Variants in SOX5 observed in about 807,000 individuals in gnomAD.
The protein encoded by SOX5 is transcription factor SOX-5.
In SOX5, 9 loss-of-function variants were observed where a neutral mutation model predicts 92.0. The ratio of observed to expected loss-of-function variants is 0.10; its 90% CI spans 0.06 to 0.17. The LOEUF is 0.17. SOX5 is among the 10% of genes least tolerant of loss of function. The probability of loss-of-function intolerance (pLI) is 1.00; values close to 1 mark genes in which losing one functional copy is unlikely to be tolerated. For missense variants in SOX5, 642 were observed against 944.5 expected, an observed-to-expected ratio of 0.68 and a Z score of 4.20; for synonymous variants, 344 against 336.3, an observed-to-expected ratio of 1.02 and a Z score of -0.25.
chr12:24,329,835 C>T (rs962310826), intron 2 of SOX5, among the ~76,000 whole-genome samples: 1 of 152,062 alleles, frequency 6.6e-6, no homozygotes, highest in Non-Finnish European at 1.5e-5. Flanking sequence ...CCAGCCTGGC[C>T]AACATGGTGA....
intron 4 of SOX5, among the ~76,000 whole-genome samples, chr12:24,176,026 T>C (rs1282089592): frequency 6.6e-6 from 1 of 151,958 alleles, no homozygotes; most frequent in Admixed American, 6.6e-5. Flanking sequence ...CAGCAAAAAT[T>C]GAGATTAAAA....
intron 4 of SOX5, among the ~76,000 whole-genome samples, chr12:24,073,990 C>T (rs940735557): frequency 6.6e-6 from 1 of 151,830 alleles, no homozygotes; most frequent in Non-Finnish European, 1.5e-5. Context: ...GATAGATTCT[C>T]AATAAAATCT....
intron 1 of SOX5, among the ~76,000 whole-genome samples, chr12:24,376,689 CCTT>C (rs1957298202): frequency 1.1e-5 from 1 of 93,084 alleles, no homozygotes; most frequent in Non-Finnish European, 2.1e-5. Flanking sequence ...GGGAGAGATA[CCTT>C]TTTTTTTTTT....
chr12:24,503,623 C>T (rs895442386), intron 1 of SOX5, among the ~76,000 whole-genome samples: 1 of 152,170 alleles, frequency 6.6e-6, no homozygotes, highest in African/African-American at 2.4e-5. Context: ...GGCACATATA[C>T]ACCAGGGAAT....
chr12:23,870,718 C>A (rs569381767), intron 2 of SOX5, among the ~76,000 whole-genome samples: 1 of 152,086 alleles, frequency 6.6e-6, no homozygotes, highest in Non-Finnish European at 1.5e-5. Context: ...AAAAACAAAT[C>A]TTGGTGCTAA....
intron 1 of SOX5, among the ~76,000 whole-genome samples, chr12:24,409,112 T>C (rs1349630221): frequency 1.3e-5 from 2 of 152,188 alleles, no homozygotes; most frequent in Non-Finnish European, 2.9e-5. Flanking sequence ...AAAGAAAATA[T>C]GGTACATATA....
chr12:23,876,762 A>G (rs543742339), intron 2 of SOX5, among the ~76,000 whole-genome samples: 1 of 152,388 alleles, frequency 6.6e-6, no homozygotes, highest in South Asian at 2.1e-4. Context: ...CATCAGTGAT[A>G]GACTGGATAA....
chr12:23,785,715 T>C (rs1459365327), intron 3 of SOX5, among the ~76,000 whole-genome samples: 1 of 152,164 alleles, frequency 6.6e-6, no homozygotes, highest in East Asian at 1.9e-4. Flanking sequence ...AAGGGACTTA[T>C]AGTTGGAATA....
At chr12:23,910,357 A>G (rs1225235643) in intron 1 of SOX5, among the ~76,000 whole-genome samples, 3 of 152,198 alleles carry the variant, frequency 2.0e-5, no homozygotes, top group African/African-American at 7.2e-5. Flanking sequence ...AAGGAAAGTT[A>G]GGCTAAGCTA....
intron 6 of SOX5, among the ~76,000 whole-genome samples, chr12:23,678,476 T>C (rs1304990064): frequency 6.6e-6 from 1 of 152,130 alleles, no homozygotes; most frequent in African/African-American, 2.4e-5. Flanking sequence ...GTCATCAAAA[T>C]TGTGGCAATT....
chr12:24,396,378 A>G (rs1959964392), intron 1 of SOX5, among the ~76,000 whole-genome samples: 1 of 152,246 alleles, frequency 6.6e-6, no homozygotes, highest in Non-Finnish European at 1.5e-5. Flanking sequence ...TGGAGCACAC[A>G]GAAACTGATG....
At chr12:24,062,608 G>C (rs746487619) in intron 4 of SOX5, among the ~76,000 whole-genome samples, 8 of 152,202 alleles carry the variant, frequency 5.3e-5, no homozygotes, top group Non-Finnish European at 1.2e-4. Context: ...GGGGCCTCCT[G>C]ACAGCTTTGT....
At chr12:24,155,920 C>T (rs529068581) in intron 4 of SOX5, among the ~76,000 whole-genome samples, 16 of 152,058 alleles carry the variant, frequency 1.1e-4, no homozygotes, top group Admixed American at 6.6e-4. Context: ...ATAGAAAGAG[C>T]GGTAACAATG....
chr12:24,366,881 T>C (rs756364585), intron 2 of SOX5, among the ~76,000 whole-genome samples: 9 of 151,982 alleles, frequency 5.9e-5, no homozygotes, highest in Non-Finnish European at 8.8e-5. Flanking sequence ...CAATGCAGGA[T>C]TATTTTCTAG....
intron 4 of SOX5, among the ~76,000 whole-genome samples, chr12:24,048,786 T>G (rs1247854386): frequency 6.6e-6 from 1 of 152,234 alleles, no homozygotes; most frequent in East Asian, 1.9e-4. Flanking sequence ...TGATTCCACT[T>G]ATTTGAAATA....
At chr12:23,603,281 C>A (rs950858109) in intron 9 of SOX5, among the ~76,000 whole-genome samples, 1 of 151,468 alleles carries the variant, frequency 6.6e-6, no homozygotes, top group African/African-American at 2.4e-5. Flanking sequence ...TTTGAGGATT[C>A]TTGGATTTTT....
At chr12:24,003,935 T>C (rs1409416608) in intron 4 of SOX5, among the ~76,000 whole-genome samples, 2 of 152,088 alleles carry the variant, frequency 1.3e-5, no homozygotes, top group Non-Finnish European at 2.9e-5. Flanking sequence ...TTTGGAACTG[T>C]CATAAGATGA....
chr12:24,358,164 A>G (rs1014013444), intron 2 of SOX5, among the ~76,000 whole-genome samples: 3 of 152,238 alleles, frequency 2.0e-5, no homozygotes, highest in Non-Finnish European at 2.9e-5. Context: ...TGAGTTTCTT[A>G]CTATCTTATT....
At chr12:24,129,951 A>T (rs1391640141) in intron 4 of SOX5, among the ~76,000 whole-genome samples, 1 of 152,214 alleles carries the variant, frequency 6.6e-6, no homozygotes, top group Non-Finnish European at 1.5e-5. Flanking sequence ...CCATGGTAAA[A>T]ACTCAAACTA....
Sources: allele counts gnomAD v4.1 joint callset (sites outside exome capture counted in the v4.1 genomes callset), GRCh38; gene constraint gnomAD v4.1.1; transcripts MANE v1.5; gene names NCBI Gene and HGNC (gene_info 2026-07-23, HGNC 2026-07-21).